PTPRR: variants seen among roughly 807,000 people sequenced by gnomAD.
PTPRR encodes the protein receptor-type tyrosine-protein phosphatase R.
Under a neutral mutation model 77.2 loss-of-function variants are expected in PTPRR, and 38 were observed. The observed-to-expected ratio is 0.49, with a 90% confidence interval of 0.38 to 0.65. PTPRR has a LOEUF of 0.65. Ranked by LOEUF, PTPRR falls within the 30% of genes least tolerant of loss-of-function variation. PTPRR has a pLI of 0.00. For missense variants in PTPRR, 744 were observed against 799.2 expected (o/e 0.93, Z 0.83); for synonymous variants, 299 against 283.1 (o/e 1.06, Z -0.57).
chr12:70,740,901 T>C lies in PTPRR; in HGVS notation c.1007+4917A>G, dbSNP rs117019390. 2.2e-3 allele frequency among the ~76,000 whole-genome samples: 329 copies of C among 151,982 alleles called. 1 individual carries two copies. The highest frequency in any genetic ancestry group is 7.3e-3 in the African/African-American group (304 of 41,490). ...TTTAAAGGCACCATTAGAACACACA[T>C]ATATATATATAAATTAAATTTTAAG... On this transcript the variant is annotated intron_variant, in intron 6 of 13. Coordinates refer to ENST00000283228, the MANE Select transcript of PTPRR (RefSeq NM_002849.4).
intron 10 of PTPRR, chr12:70,672,063 G>A (rs1887247169): frequency 7.6e-7 from 1 of 1,319,232 alleles, no homozygotes; most frequent in African/African-American, 1.4e-5. Context: ...ATGGAGAATG[G>A]TGGAAGGGTT....
At chr12:70,731,289 G>GA (rs966560687) in intron 6 of PTPRR, among the ~76,000 whole-genome samples, 14 of 150,974 alleles carry the variant, frequency 9.3e-5, no homozygotes, top group Middle Eastern at 3.4e-3. Flanking sequence ...CCCCAGAAAT[G>GA]AAAAAAAAAT....
At chr12:70,876,554 C>A (rs1893055254) in intron 2 of PTPRR, among the ~76,000 whole-genome samples, 1 of 151,810 alleles carries the variant, frequency 6.6e-6, no homozygotes, top group Non-Finnish European at 1.5e-5. Context: ...TAAGTATGAC[C>A]CAATTTTCAG....
Position 70,892,795 on chromosome 12 carries a change from C to G in PTPRR, c.241G>C (p.Val81Leu). ...GCGGGTCTAGGAAATGCTGAATTGA[C>G]AATCTGGTGGCGTTTGCTTACTTGA... ...EAQVSKRHQI[V>L]NSAFPRPAYD... The change falls in exon 2 of 14, where the codon GTC becomes CTC. Residue 81 changes from valine (V) to leucine (L), a missense_variant. Val to Leu is a conservative substitution (Grantham distance 32). Transcript: ENST00000283228. The G allele has an allele frequency of 6.2e-7, 1 of 1,613,488 alleles. No homozygotes were observed. The highest frequency in any genetic ancestry group is 8.5e-7 in the Non-Finnish European group (1 of 1,179,552).
chr12:70,702,965 A>G (rs1313887090), intron 6 of PTPRR, among the ~76,000 whole-genome samples: 1 of 151,808 alleles, frequency 6.6e-6, no homozygotes, highest in African/African-American at 2.4e-5. Context: ...ATATATACAT[A>G]TATATCACCT....
At chr12:70,718,024 C>T (rs1024011547) in intron 6 of PTPRR, among the ~76,000 whole-genome samples, 1 of 152,100 alleles carries the variant, frequency 6.6e-6, no homozygotes, top group Non-Finnish European at 1.5e-5. Context: ...AAGAAAAATA[C>T]AATCTTCTTT....
intron 6 of PTPRR, among the ~76,000 whole-genome samples, chr12:70,733,269 A>G (rs1325103529): frequency 6.6e-6 from 1 of 152,052 alleles, no homozygotes; most frequent in Non-Finnish European, 1.5e-5. Context: ...TAGAAAGTAT[A>G]TCATATTTAA....
intron 2 of PTPRR, among the ~76,000 whole-genome samples, chr12:70,802,052 T>C (rs1210929696): frequency 2.6e-5 from 4 of 152,304 alleles, no homozygotes; most frequent in African/African-American, 9.6e-5. Flanking sequence ...AGTTTGTCTT[T>C]AGCTCACATT....
chr12:70,738,701 G>T (rs1196788671), intron 6 of PTPRR, among the ~76,000 whole-genome samples: 1 of 152,206 alleles, frequency 6.6e-6, no homozygotes, highest in Admixed American at 6.5e-5. Flanking sequence ...AACTCAGCAT[G>T]TATACAATTT....
intron 2 of PTPRR, among the ~76,000 whole-genome samples, chr12:70,847,909 T>C (rs1308493209): frequency 2.6e-5 from 4 of 152,220 alleles, no homozygotes; most frequent in African/African-American, 7.2e-5. Flanking sequence ...TTACTTTTCA[T>C]AAACATAATG....
chr12:70,645,108 C>A (rs969341505), intron 13 of PTPRR, among the ~76,000 whole-genome samples: 2 of 152,088 alleles, frequency 1.3e-5, no homozygotes, highest in African/African-American at 2.4e-5. Flanking sequence ...TGGCTGAGGA[C>A]CCTGGGCAGG....
intron 13 of PTPRR, among the ~76,000 whole-genome samples, chr12:70,652,163 T>C (rs544398884): frequency 6.6e-6 from 1 of 152,232 alleles, no homozygotes; most frequent in Non-Finnish European, 1.5e-5. Context: ...ACGGTAGACA[T>C]TTGGATTGGC....
intron 2 of PTPRR, among the ~76,000 whole-genome samples, chr12:70,875,148 T>C (rs1455565386): frequency 5.9e-5 from 9 of 152,076 alleles, no homozygotes; most frequent in Admixed American, 5.9e-4. Context: ...AAAGAATCAG[T>C]TAGAATCATG....
intron 13 of PTPRR, among the ~76,000 whole-genome samples, chr12:70,640,869 C>T (rs1885972717): frequency 6.6e-6 from 1 of 152,126 alleles, no homozygotes; most frequent in South Asian, 2.1e-4. Context: ...AACATGATGT[C>T]AAAATGATGT....
chr12:70,683,062 A>G (rs1386062289), intron 10 of PTPRR, among the ~76,000 whole-genome samples: 1 of 152,238 alleles, frequency 6.6e-6, no homozygotes, highest in African/African-American at 2.4e-5. Flanking sequence ...CAAAAATATA[A>G]GAAAATCACA....
rs764401941 is a variant in PTPRR, at chr12:70,684,744, G to C, written c.1319C>G (p.Thr440Ser). The C allele has an allele frequency of 1.9e-6, 3 of 1,607,892 alleles. No homozygotes were observed. The change falls in exon 9 of 14, where the codon ACC (threonine) becomes AGC (serine). Residue 440 changes from threonine (T) to serine (S), a missense_variant. Coordinates refer to ENST00000283228, the MANE Select transcript of PTPRR (RefSeq NM_002849.4). ...ATTAATGTAGGTGCTCAATGAATCG[G>C]TTACATTTTTTGGTCTTAAACACAC... ...SRVCLRPKNV[T>S]DSLSTYINAN...
chr12:70,713,116 C>CT (rs1888891742), intron 6 of PTPRR, among the ~76,000 whole-genome samples: 1 of 152,168 alleles, frequency 6.6e-6, no homozygotes, highest in Admixed American at 6.6e-5. Flanking sequence ...CTGCTTTGGA[C>CT]ATTTCGTATA....
At chr12:70,708,500 A>C (rs1294454937) in intron 6 of PTPRR, among the ~76,000 whole-genome samples, 1 of 152,058 alleles carries the variant, frequency 6.6e-6, no homozygotes, top group African/African-American at 2.4e-5. Flanking sequence ...ATCCTATGTT[A>C]ATTTTATTCA....
At chr12:70,676,757 A>G (rs1181171021) in intron 10 of PTPRR, among the ~76,000 whole-genome samples, 1 of 151,326 alleles carries the variant, frequency 6.6e-6, no homozygotes, top group African/African-American at 2.4e-5. Context: ...TCCATATTCC[A>G]TTCCATTGGT....
Sources: allele counts gnomAD v4.1 joint callset (sites outside exome capture counted in the v4.1 genomes callset), GRCh38; gene constraint gnomAD v4.1.1; transcripts MANE v1.5; gene names NCBI Gene and HGNC (gene_info 2026-07-23, HGNC 2026-07-21).